Variants in RBBP8NL observed in about 807,000 individuals in gnomAD.
RBBP8NL encodes the protein RBBP8 N-terminal-like protein.
RBBP8NL carries 59 observed loss-of-function variants against 62.2 expected under a neutral mutation model. The observed-to-expected ratio is 0.95, with a 90% confidence interval of 0.77 to 1.18. The LOEUF is 1.18. Ranked by LOEUF, RBBP8NL falls within the 50% of genes most tolerant of loss-of-function variation. The pLI is 0.00. For missense variants in RBBP8NL, 896 were observed against 899.5 expected, an observed-to-expected ratio of 1.00 and a Z score of 0.05; for synonymous variants, 412 against 394.1, an observed-to-expected ratio of 1.05 and a Z score of -0.54.
chr20:62,412,699 C>G lies in RBBP8NL; in HGVS notation c.1801G>C (p.Glu601Gln). The G allele has an allele frequency of 6.2e-7, 1 of 1,609,908 alleles. No individual in the cohort carries two copies. Among genetic ancestry groups the G allele is most frequent in the Non-Finnish European group, 8.5e-7 (1 of 1,179,932 alleles). The change falls in exon 13 of 14, where the codon GAG (glutamate) becomes CAG (glutamine). Residue 601 changes from glutamate (E) to glutamine (Q), a missense_variant. Transcript: ENST00000252998. ...CCGTGCTCCTGGGTGCAGATGCACT[C>G]AGGCCCCTCCCCGGTCGTGCTCGTA... ...ATTSTTGEGP[E>Q]CICTQEHGQG...
At chr20:62,416,679 T>C in intron 5 of RBBP8NL, 81 bp downstream of exon 5, 1 of 921,116 alleles carries the variant, frequency 1.1e-6, no homozygotes, top group Non-Finnish European at 1.7e-6. Context: ...CCTTTCCCCA[T>C]GCCCCTACAT....
At chr20:62,424,888 C>T (rs951270096) in intron 1 of RBBP8NL, among the ~76,000 whole-genome samples, 29 of 152,308 alleles carry the variant, frequency 1.9e-4, no homozygotes, top group South Asian at 4.1e-4. Context: ...GGTGCACCCC[C>T]CCCACCCGCT....
rs1988629715 is a variant in RBBP8NL, at chr20:62,418,464, G to A, written c.63C>T (p.Gly21=). The stretch of plus-strand genomic sequence containing the variant: ...TCAGTTCCAGAAGCTTGTTCTGCAG[G>A]CCTGGGGGAGCAAGCAGAGGGGCGG... ...LKEIHEKEVL[G]LQNKLLELNS... Residue 21 remains glycine, a splice_region_variant and synonymous_variant, in exon 3 of 14, where the codon GGC becomes GGT. Transcript: ENST00000252998. 6.5e-7 allele frequency: 1 copy of A among 1,550,248 alleles called. No individual in the cohort carries two copies. Among genetic ancestry groups the A allele is most frequent in the South Asian group, 1.2e-5 (1 of 84,060 alleles).
rs575962044 is a variant in RBBP8NL at position 62,415,433 on chromosome 20, C to T, written c.627+145G>A. Reference sequence around the variant, plus strand: ...GCACCCCCACCCACGCCAAATGGAGCGCAGTGGCTCCTGCCCGGGACAAAG... The same window carrying T: ...GCACCCCCACCCACGCCAAATGGAGTGCAGTGGCTCCTGCCCGGGACAAAG... On this transcript the variant is annotated intron_variant, in intron 8 of 13. Transcript: ENST00000252998. The T allele has an allele frequency of 5.6e-5, 76 of 1,355,270 alleles. No homozygotes were observed. The South Asian group carries it at 6.2e-4, about 11-fold the overall frequency. 84.0% of individuals were successfully genotyped at this position (1,355,270 alleles called of 1,614,324 possible).
chr20:62,417,215 C>A lies in RBBP8NL; in HGVS notation c.200+9G>T. On this transcript the variant is annotated intron_variant, in intron 4 of 13. Transcript: ENST00000252998. ...CTGGCCATGCTGCGAGGTGTCCTCC[C>A]AGGCCCACCTGTTCTCCAGCACCCG... The A allele has an allele frequency of 6.3e-7, 1 of 1,589,908 alleles. No homozygotes were observed. The highest frequency in any genetic ancestry group is 2.3e-5 in the East Asian group (1 of 44,082).
chr20:62,416,135 T>A, intron 6 of RBBP8NL, 29 bp downstream of exon 6: 1 of 1,598,164 alleles, frequency 6.3e-7, no homozygotes, highest in South Asian at 1.1e-5. Context: ...GAGTTGGGTG[T>A]CTGAGCCCTG....
At chr20:62,422,629 G>C (rs1383480741) in intron 1 of RBBP8NL, among the ~76,000 whole-genome samples, 1 of 144,326 alleles carries the variant, frequency 6.9e-6, no homozygotes, top group South Asian at 2.3e-4. Flanking sequence ...CCGGAGTGGG[G>C]ATGGGGCCCG....
chr20:62,418,345 C>T, intron 3 of RBBP8NL, 78 bp downstream of exon 3: 1 of 1,349,422 alleles, frequency 7.4e-7, no homozygotes, highest in Non-Finnish European at 1.0e-6. Context: ...GGTGGTAGTG[C>T]TGGCACACTG....
In RBBP8NL at chr20:62,414,028, G is replaced by A. The variant is rs1988499654; in HGVS notation, c.1323C>T (p.Pro441=). 2 of 1,589,440 alleles carry A rather than the reference G, an allele frequency of 1.3e-6. No homozygotes were observed. Among genetic ancestry groups the A allele is most frequent in the East Asian group, 2.3e-5 (1 of 43,708 alleles). ...AATQDCALDK[P]LDLSEWGRAR... is the part of the protein sequence containing the mutation. ...CCCGGCCCCACTCCGAGAGGTCCAG[G>A]GGCTTGTCTAGGGCACAGTCCTGCG... is the stretch of plus-strand genomic sequence containing the variant. Residue 441 remains proline, a synonymous_variant, in exon 10 of 14, where the codon CCC becomes CCT. Transcript: ENST00000252998.
chr20:62,416,313 G>A (rs1412018497), intron 5 of RBBP8NL, 77 bp from the exon 6 acceptor site: 3 of 1,303,390 alleles, frequency 2.3e-6, no homozygotes, highest in Non-Finnish European at 3.2e-6. Flanking sequence ...CACAGCACCA[G>A]GGAAGCCCCT....
At chr20:62,426,887 G>T (rs953351088) in intron 1 of RBBP8NL, among the ~76,000 whole-genome samples, 1 of 152,234 alleles carries the variant, frequency 6.6e-6, no homozygotes, top group Non-Finnish European at 1.5e-5. Flanking sequence ...ACTCCCTCCC[G>T]GAGGTGGAGG....
intron 1 of RBBP8NL, among the ~76,000 whole-genome samples, chr20:62,427,230 C>T (rs1988830489): frequency 6.6e-6 from 1 of 152,346 alleles, no homozygotes; most frequent in East Asian, 1.9e-4. Context: ...GGCCTCTTTG[C>T]ACCCAGCTCC....
intron 1 of RBBP8NL, among the ~76,000 whole-genome samples, chr20:62,420,567 A>G (rs1294184111): frequency 2.0e-5 from 3 of 152,192 alleles, no homozygotes; most frequent in African/African-American, 7.2e-5. Flanking sequence ...ACAGACAGGG[A>G]TGCCCACACA....
At chr20:62,424,414 C>T (rs1322500383) in intron 1 of RBBP8NL, among the ~76,000 whole-genome samples, 1 of 152,148 alleles carries the variant, frequency 6.6e-6, no homozygotes, top group Non-Finnish European at 1.5e-5. Context: ...GGCGTCTTGC[C>T]CACGGTCAAA....
Position 62,410,946 on chromosome 20 carries a change from GC to G in RBBP8NL, c.1926del (p.Ser645AlafsTer66), listed in dbSNP as rs1988419636. On this transcript the variant is annotated frameshift_variant, in exon 14 of 14. Transcript: ENST00000252998. LOFTEE classifies it low-confidence loss of function (END_TRUNC). The stretch of plus-strand genomic sequence containing the variant: ...TCCTCGGCGTCCCTTGGGCTCCCGG[GC>G]CCCTCAGTGGCTGTCAGTTTCCTTC... ...RGRRKLTATE[G>X]PGSPRDAEDH... 6.2e-7 allele frequency: 1 copy of G among 1,613,746 alleles called. No individual in the cohort carries two copies. Among genetic ancestry groups the G allele is most frequent in the Non-Finnish European group, 8.5e-7 (1 of 1,179,910 alleles).
At chr20:62,424,890 C>T (rs909802197) in intron 1 of RBBP8NL, among the ~76,000 whole-genome samples, 4 of 152,148 alleles carry the variant, frequency 2.6e-5, no homozygotes, top group Non-Finnish European at 4.4e-5. Flanking sequence ...TGCACCCCCC[C>T]CACCCGCTGA....
At position 62,419,668 on chromosome 20, in the gene RBBP8NL, C is replaced by T. The variant is rs61730376; in HGVS notation, c.-21G>A. ...TCCATGGCTCCCTGTGGCCCTGGCC[C>T]GGGCCCCTCTGCGCTGGGGTTGTGG... On this transcript the variant is annotated 5_prime_UTR_variant, in exon 2 of 14. Coordinates refer to ENST00000252998, the MANE Select transcript of RBBP8NL (RefSeq NM_080833.3). 8,897 of 1,612,114 alleles carry T rather than the reference C, an allele frequency of 5.5e-3. 391 individuals carry two copies. The African/African-American group carries it at 0.1, about 18-fold the overall frequency.
chr20:62,416,791 G>C lies in RBBP8NL; in HGVS notation c.282C>G (p.His94Gln), dbSNP rs1419536605. Residue 94 changes from histidine (H) to glutamine (Q), a missense_variant, in exon 5 of 14, where the codon CAC becomes CAG. Physicochemically the swap from His to Gln is conservative, Grantham distance 24 (BLOSUM62 0). Transcript: ENST00000252998. ...TGAAGATGCGCTGCAGGTTCTGCAG[G>C]TGGGAGCTCTCGAACTCCTGCTGCC... ...RKRQQEFESS[H>Q]LQNLQRIFIL... 2 of 1,590,748 alleles carry C rather than the reference G, an allele frequency of 1.3e-6. No homozygotes were observed. The highest frequency in any genetic ancestry group is 1.7e-6 in the Non-Finnish European group (2 of 1,168,230).
chr20:62,410,864 C>A lies in RBBP8NL; in HGVS notation c.*14G>T. On this transcript the variant is annotated 3_prime_UTR_variant, in exon 14 of 14. Transcript: ENST00000252998. ...GGCTGCCCCGGGCTCGCTGTGGACC[C>A]TGGTGCAGGCTGGCTAGGTCTCCTC... The A allele has an allele frequency of 6.3e-7, 1 of 1,583,714 alleles. No individual in the cohort carries two copies. The highest frequency in any genetic ancestry group is 1.1e-5 in the South Asian group (1 of 90,168).
Sources: allele counts gnomAD v4.1 joint callset (sites outside exome capture counted in the v4.1 genomes callset), GRCh38; gene constraint gnomAD v4.1.1; transcripts MANE v1.5; gene names NCBI Gene and HGNC (gene_info 2026-07-23, HGNC 2026-07-21).